Variants in COLEC10 observed in about 807,000 individuals in gnomAD.
The protein encoded by COLEC10 is collectin subfamily member 10.
Under a neutral mutation model 28.4 loss-of-function variants are expected in COLEC10, and 22 were observed. That is an observed-to-expected ratio of 0.78 (90% CI 0.55 to 1.11). COLEC10 has a LOEUF of 1.11. COLEC10 is among the 50% of genes least tolerant of loss of function. COLEC10 has a pLI of 0.00. For missense variants in COLEC10, 361 were observed against 344.1 expected (o/e 1.05, Z -0.39); for synonymous variants, 125 against 116.1 (o/e 1.08, Z -0.49).
At chr8:119,041,126 T>C (rs1814486945) in intron 2 of COLEC10, among the ~76,000 whole-genome samples, 1 of 152,238 alleles carries the variant, frequency 6.6e-6, no homozygotes, top group Admixed American at 6.5e-5. Flanking sequence ...TCTAAGGGTC[T>C]ACTTCTGGGG....
intron 2 of COLEC10, among the ~76,000 whole-genome samples, chr8:119,034,074 G>A (rs1251886063): frequency 6.6e-6 from 1 of 152,162 alleles, no homozygotes; most frequent in Admixed American, 6.5e-5. Context: ...AAAAAAGGAT[G>A]AGTTCATGTC....
upstream of COLEC10, among the ~76,000 whole-genome samples, chr8:119,062,446 T>A (rs557249853): frequency 1.6e-4 from 24 of 152,090 alleles, no homozygotes; most frequent in Admixed American, 9.2e-4. Flanking sequence ...TGACTTTTTT[T>A]AAAAAAGTCA....
chr8:119,072,783 A>G (rs1815150329), intron 1 of COLEC10, among the ~76,000 whole-genome samples: 1 of 152,174 alleles, frequency 6.6e-6, no homozygotes, highest in South Asian at 2.1e-4. Flanking sequence ...CTCCACTCTG[A>G]TGAGAGAGGC....
intron 1 of COLEC10, among the ~76,000 whole-genome samples, chr8:119,005,463 A>G (rs1476570171): frequency 1.3e-5 from 2 of 152,094 alleles, no homozygotes; most frequent in Non-Finnish European, 2.9e-5. Flanking sequence ...GAAGCCTCTC[A>G]CTATCACAAG....
chr8:118,989,648 T>G, the COLEC10 span, among the ~76,000 whole-genome samples: 2 of 150,930 alleles, frequency 1.3e-5, no homozygotes, highest in Non-Finnish European at 2.9e-5. Flanking sequence ...CAAATAAAAT[T>G]ATAGTCTTGA....
intron 1 of COLEC10, among the ~76,000 whole-genome samples, chr8:119,071,765 CAT>C (rs1815130338): frequency 6.6e-6 from 1 of 152,140 alleles, no homozygotes; most frequent in Non-Finnish European, 1.5e-5. Flanking sequence ...GCTCCCGACA[CAT>C]AGTGGGTGCT....
the COLEC10 span, among the ~76,000 whole-genome samples, chr8:118,980,130 A>G: frequency 1.3e-5 from 2 of 152,130 alleles, no homozygotes; most frequent in Non-Finnish European, 1.5e-5. Context: ...GACAACCATT[A>G]AGGATTACTC....
the COLEC10 span, among the ~76,000 whole-genome samples, chr8:118,963,755 T>C: frequency 6.6e-6 from 1 of 152,190 alleles, no homozygotes. Context: ...TTCCACAGAG[T>C]ATAAGCTCCA....
intron 2 of COLEC10, among the ~76,000 whole-genome samples, chr8:119,014,993 G>T (rs1396641517): frequency 6.6e-6 from 1 of 150,908 alleles, no homozygotes; most frequent in Admixed American, 6.6e-5. Context: ...AACCATTAGG[G>T]CCCTTAGCAT....
At chr8:119,054,787 C>T (rs1284947693) in intron 2 of COLEC10, among the ~76,000 whole-genome samples, 2 of 151,918 alleles carry the variant, frequency 1.3e-5, no homozygotes, top group African/African-American at 2.4e-5. Context: ...GTGACATGCC[C>T]TTCCTTATAA....
the COLEC10 span, among the ~76,000 whole-genome samples, chr8:118,971,660 A>G: frequency 6.6e-6 from 1 of 151,924 alleles, no homozygotes; most frequent in Non-Finnish European, 1.5e-5. Context: ...AGCCATTTTA[A>G]TTTGGTTTTC....
the COLEC10 span, among the ~76,000 whole-genome samples, chr8:118,963,060 T>C: frequency 6.6e-6 from 1 of 152,096 alleles, no homozygotes. Flanking sequence ...CAGAGTGCTA[T>C]GGAAGCATGC....
chr8:118,996,430 C>A (rs567900326), intron 1 of COLEC10, among the ~76,000 whole-genome samples: 1 of 152,076 alleles, frequency 6.6e-6, no homozygotes, highest in South Asian at 2.1e-4. Flanking sequence ...TTTTGAGGAA[C>A]GCTCGTTCTG....
chr8:119,104,315 G>A (rs1014941090), intron 5 of COLEC10, among the ~76,000 whole-genome samples: 1 of 152,138 alleles, frequency 6.6e-6, no homozygotes, highest in African/African-American at 2.4e-5. Context: ...TTACATAATT[G>A]TTTATGTAGT....
the COLEC10 span, among the ~76,000 whole-genome samples, chr8:118,956,239 C>A: frequency 0.094 from 14,366 of 152,184 alleles, 832 homozygotes; most frequent in African/African-American, 0.17. Context: ...AATAGCATCA[C>A]CTTGAGGGTT....
chr8:119,083,454 T>C (rs947568234), intron 1 of COLEC10, among the ~76,000 whole-genome samples: 1 of 152,004 alleles, frequency 6.6e-6, no homozygotes, highest in African/African-American at 2.4e-5. Flanking sequence ...TGAGAATGAG[T>C]AAGTGTGATT....
chr8:118,967,691 A>G, the COLEC10 span, among the ~76,000 whole-genome samples: 7 of 152,162 alleles, frequency 4.6e-5, no homozygotes, highest in African/African-American at 1.4e-4. Context: ...ATTAGAAAAT[A>G]ACATAAATAA....
At chr8:119,044,492 G>T (rs985517491) in intron 2 of COLEC10, among the ~76,000 whole-genome samples, 4 of 152,032 alleles carry the variant, frequency 2.6e-5, no homozygotes, top group Non-Finnish European at 2.9e-5. Context: ...ATTTTTGCTC[G>T]TTTTTAACAA....
intron 2 of COLEC10, among the ~76,000 whole-genome samples, chr8:119,051,482 A>G (rs1042199646): frequency 6.6e-6 from 1 of 152,166 alleles, no homozygotes; most frequent in African/African-American, 2.4e-5. Flanking sequence ...TTAAACAGCA[A>G]CAAAAATATC....
Sources: gnomAD v4.1 joint callset for allele counts (sites outside exome capture counted in the v4.1 genomes callset) on GRCh38, gnomAD v4.1.1 for gene constraint, MANE v1.5 for transcripts, NCBI Gene and HGNC (gene_info 2026-07-23, HGNC 2026-07-21) for gene names.